TMEM117: variants seen among roughly 807,000 people sequenced by gnomAD.
TMEM117 encodes the protein transmembrane protein 117.
Under a neutral mutation model 52.4 loss-of-function variants are expected in TMEM117, and 27 were observed. That is an observed-to-expected ratio of 0.51 (90% CI 0.38 to 0.71). The LOEUF is 0.71. Among genes scored for constraint, TMEM117 ranks in the 30% least tolerant of loss-of-function variants. The probability of loss-of-function intolerance (pLI) is 0.00; values close to 1 mark genes in which losing one functional copy is unlikely to be tolerated. For missense variants in TMEM117, 556 were observed against 630.5 expected (o/e 0.88, Z 1.26); for synonymous variants, 215 against 206.3 (o/e 1.04, Z -0.36).
chr12:44,223,562 C>T (rs1164617892), intron 5 of TMEM117, among the ~76,000 whole-genome samples: 1 of 152,170 alleles, frequency 6.6e-6, no homozygotes, highest in African/African-American at 2.4e-5. Flanking sequence ...ATTTTGTACA[C>T]ATGGTTTCAA....
intron 4 of TMEM117, among the ~76,000 whole-genome samples, chr12:44,182,778 A>T (rs1385180961): frequency 6.6e-6 from 1 of 152,170 alleles, no homozygotes; most frequent in Admixed American, 6.6e-5. Flanking sequence ...CTCATAGCTT[A>T]GTTGTACTGA....
At chr12:44,046,054 C>T (rs1038293811) in intron 3 of TMEM117, among the ~76,000 whole-genome samples, 1 of 152,094 alleles carries the variant, frequency 6.6e-6, no homozygotes, top group Non-Finnish European at 1.5e-5. Context: ...TCTGAATCAG[C>T]GTTCAATATA....
intron 5 of TMEM117, among the ~76,000 whole-genome samples, chr12:44,224,487 T>G (rs531123799): frequency 4.6e-5 from 7 of 152,066 alleles, no homozygotes; most frequent in African/African-American, 1.7e-4. Flanking sequence ...TTTTTTAGTT[T>G]TTCTTTGCTT....
intron 5 of TMEM117, among the ~76,000 whole-genome samples, chr12:44,276,986 G>A (rs1157803640): frequency 6.6e-6 from 1 of 151,760 alleles, no homozygotes; most frequent in East Asian, 1.9e-4. Flanking sequence ...ATTTAGCTAA[G>A]AGAAATTGCA....
chr12:44,072,896 C>T (rs1288044401), intron 3 of TMEM117, among the ~76,000 whole-genome samples: 1 of 152,104 alleles, frequency 6.6e-6, no homozygotes, highest in East Asian at 1.9e-4. Context: ...TCGAGACCAT[C>T]CTGGCCAACA....
At chr12:44,161,932 T>C (rs1038997945) in intron 4 of TMEM117, among the ~76,000 whole-genome samples, 3 of 152,070 alleles carry the variant, frequency 2.0e-5, no homozygotes, top group Non-Finnish European at 2.9e-5. Flanking sequence ...CAGATATATA[T>C]GTTAGTTGAG....
chr12:43,897,933 C>T (rs935853958), intron 2 of TMEM117, among the ~76,000 whole-genome samples: 2 of 151,994 alleles, frequency 1.3e-5, no homozygotes, highest in Admixed American at 1.3e-4. Flanking sequence ...TTTTCTTTGT[C>T]CATGCTTTTT....
At chr12:43,885,424 T>A (rs1411752998) in intron 2 of TMEM117, among the ~76,000 whole-genome samples, 2 of 147,938 alleles carry the variant, frequency 1.4e-5, no homozygotes, top group Non-Finnish European at 3.0e-5. Flanking sequence ...CTTTTCTTTT[T>A]TTTTTTGATA....
In TMEM117 at chr12:44,092,827, T is replaced by G. The variant is rs571118802; in HGVS notation, c.411-50698T>G. Among the ~76,000 whole-genome samples, 238 of 152,140 alleles carry G rather than the reference T, an allele frequency of 1.6e-3. 1 individual carries two copies. The highest frequency in any genetic ancestry group is 2.7e-3 in the Non-Finnish European group (183 of 68,022). ...GTGAACCATACAAGGCAGACATAACTCCTGTGAACACAGAGCATATATTAT... is the reference window on the plus strand; with the variant it reads ...GTGAACCATACAAGGCAGACATAACGCCTGTGAACACAGAGCATATATTAT... On this transcript the variant is annotated intron_variant, in intron 3 of 7. Transcript: ENST00000266534.
At chr12:44,009,420 C>T (rs1946254300) in intron 3 of TMEM117, 2 of 204,136 alleles carry the variant, frequency 9.8e-6, no homozygotes, top group Non-Finnish European at 2.0e-5. Flanking sequence ...GAAAAATACA[C>T]AACCACTTCT....
At chr12:44,015,957 A>G (rs956017934) in intron 3 of TMEM117, among the ~76,000 whole-genome samples, 1 of 152,144 alleles carries the variant, frequency 6.6e-6, no homozygotes, top group Non-Finnish European at 1.5e-5. Flanking sequence ...AATTACAAAA[A>G]CCCACTAGCT....
chr12:44,348,286 A>C (rs970605192), intron 6 of TMEM117, among the ~76,000 whole-genome samples: 5 of 150,378 alleles, frequency 3.3e-5, no homozygotes, highest in African/African-American at 1.2e-4. Flanking sequence ...AAAAAGAGAG[A>C]GCTATAGAGA....
chr12:43,983,873 A>G (rs1476335274), intron 3 of TMEM117, among the ~76,000 whole-genome samples: 1 of 152,124 alleles, frequency 6.6e-6, no homozygotes, highest in Non-Finnish European at 1.5e-5. Context: ...AAAGAACAGA[A>G]TAAAAAATAT....
the TMEM117 span, among the ~76,000 whole-genome samples, chr12:43,811,825 T>C: frequency 6.6e-6 from 1 of 152,332 alleles, no homozygotes; most frequent in East Asian, 1.9e-4. Context: ...GTTTGCTAAA[T>C]AGAGAAGCAA....
intron 2 of TMEM117, among the ~76,000 whole-genome samples, chr12:43,866,710 A>G (rs1433673582): frequency 6.6e-6 from 1 of 152,266 alleles, no homozygotes; most frequent in East Asian, 1.9e-4. Flanking sequence ...AGAAATATCA[A>G]ATATACAGGA....
At chr12:43,810,692 A>AT in the TMEM117 span, among the ~76,000 whole-genome samples, 1 of 152,186 alleles carries the variant, frequency 6.6e-6, no homozygotes, top group Non-Finnish European at 1.5e-5. Context: ...CAGTGAGATT[A>AT]TGGGAGAGTT....
rs1453193025 is a variant in TMEM117, at chr12:43,975,158, T to C, written c.410+30816T>C. On this transcript the variant is annotated intron_variant, in intron 3 of 7. Coordinates refer to ENST00000266534, the MANE Select transcript of TMEM117 (RefSeq NM_032256.3). ...AAGTTGTCACTATAAAATCTCTAAC[T>C]GGGAGATATCTTTGGTTGCATTGTT... is the stretch of plus-strand genomic sequence containing the variant. 2.6e-5 allele frequency among the ~76,000 whole-genome samples: 4 copies of C among 152,308 alleles called. No individual in the cohort carries two copies. The East Asian group carries it at 7.7e-4, about 29-fold the overall frequency.
intron 6 of TMEM117, among the ~76,000 whole-genome samples, chr12:44,338,919 T>C (rs1157663877): frequency 6.6e-6 from 1 of 152,090 alleles, no homozygotes; most frequent in African/African-American, 2.4e-5. Context: ...GCTCTGGGCA[T>C]AGCTTCCAGG....
intron 3 of TMEM117, among the ~76,000 whole-genome samples, chr12:43,949,839 G>A (rs749083781): frequency 6.6e-5 from 10 of 152,192 alleles, no homozygotes; most frequent in East Asian, 1.9e-4. Context: ...AATATCTCCC[G>A]GGGAACTGCT....
Sources: allele counts gnomAD v4.1 joint callset (sites outside exome capture counted in the v4.1 genomes callset), GRCh38; gene constraint gnomAD v4.1.1; transcripts MANE v1.5; gene names NCBI Gene and HGNC (gene_info 2026-07-23, HGNC 2026-07-21).